ZNF385D: variants seen among roughly 807,000 people sequenced by gnomAD.
ZNF385D encodes the protein zinc finger protein 659.
Under a neutral mutation model 35.8 loss-of-function variants are expected in ZNF385D, and 15 were observed. The ratio of observed to expected loss-of-function variants is 0.42; its 90% CI spans 0.28 to 0.64. ZNF385D has a LOEUF of 0.64. ZNF385D is among the 30% of genes least tolerant of loss of function. The probability of loss-of-function intolerance (pLI) is 0.23; values close to 1 mark genes in which losing one functional copy is unlikely to be tolerated. For missense variants in ZNF385D, 474 were observed against 494.6 expected (o/e 0.96, Z 0.39); for synonymous variants, 212 against 186.8 (o/e 1.13, Z -1.10).
At chr3:21,736,128 T>C (rs943675378) in intron 1 of ZNF385D, among the ~76,000 whole-genome samples, 1 of 152,186 alleles carries the variant, frequency 6.6e-6, no homozygotes, top group African/African-American at 2.4e-5. Context: ...CTTCCTGAAA[T>C]TGCCTTTTTT....
intron 1 of ZNF385D, among the ~76,000 whole-genome samples, chr3:21,721,226 C>T (rs1183144043): frequency 2.0e-5 from 3 of 152,258 alleles, no homozygotes; most frequent in Non-Finnish European, 4.4e-5. Context: ...TTACTCTGTA[C>T]GTTCCAAGAC....
intron 3 of ZNF385D, among the ~76,000 whole-genome samples, chr3:22,041,775 T>C (rs1698678206): frequency 6.6e-6 from 1 of 152,130 alleles, no homozygotes; most frequent in African/African-American, 2.4e-5. Flanking sequence ...TCTATTCAAT[T>C]GAGATTTATA....
intron 3 of ZNF385D, among the ~76,000 whole-genome samples, chr3:21,779,421 T>A (rs1206897838): frequency 6.6e-6 from 1 of 151,984 alleles, no homozygotes; most frequent in Non-Finnish European, 1.5e-5. Context: ...AAAAAAACAT[T>A]AAAGAGAGCG....
At chr3:21,594,855 C>T (rs1429420583) in intron 2 of ZNF385D, among the ~76,000 whole-genome samples, 1 of 152,064 alleles carries the variant, frequency 6.6e-6, no homozygotes, top group East Asian at 1.9e-4. Context: ...GCTGCTGAAC[C>T]CATGATAATT....
chr3:22,016,001 C>A (rs1233426479), intron 3 of ZNF385D, among the ~76,000 whole-genome samples: 2 of 152,124 alleles, frequency 1.3e-5, no homozygotes, highest in East Asian at 3.9e-4. Flanking sequence ...AGAGTTTCTC[C>A]TATTGTTAAG....
chr3:22,166,580 T>C (rs1310887068), intron 3 of ZNF385D, among the ~76,000 whole-genome samples: 1 of 152,214 alleles, frequency 6.6e-6, no homozygotes, highest in African/African-American at 2.4e-5. Flanking sequence ...ATCACTTTGG[T>C]TGGTTATGAG....
At chr3:21,903,266 T>C (rs939549984) in intron 3 of ZNF385D, among the ~76,000 whole-genome samples, 1 of 152,182 alleles carries the variant, frequency 6.6e-6, no homozygotes, top group African/African-American at 2.4e-5. Context: ...AGGCATTTCC[T>C]TCTCTTTCAA....
chr3:21,754,910 G>A (rs1575594420), upstream of ZNF385D, among the ~76,000 whole-genome samples: 1 of 152,186 alleles, frequency 6.6e-6, no homozygotes. Flanking sequence ...TTGTGTGTAA[G>A]ACATCATACT....
At chr3:21,467,975 T>C (rs1345289026) in intron 4 of ZNF385D, among the ~76,000 whole-genome samples, 1 of 152,104 alleles carries the variant, frequency 6.6e-6, no homozygotes, top group Non-Finnish European at 1.5e-5. Context: ...AAGACTTGTC[T>C]ACGGGAATGC....
At chr3:21,748,252 C>G (rs1389407809) in intron 1 of ZNF385D, among the ~76,000 whole-genome samples, 1 of 152,124 alleles carries the variant, frequency 6.6e-6, no homozygotes, top group Non-Finnish European at 1.5e-5. Flanking sequence ...ATGAGCTGTT[C>G]TTGAGATCTG....
intron 3 of ZNF385D, among the ~76,000 whole-genome samples, chr3:22,074,912 C>A (rs973440873): frequency 6.6e-6 from 1 of 151,862 alleles, no homozygotes; most frequent in East Asian, 1.9e-4. Flanking sequence ...ACATGAGCAA[C>A]GTCACCATCA....
In ZNF385D at chr3:22,331,230, G is replaced by T. The variant is rs1410291401; in HGVS notation, c.106+41220C>A. Among the ~76,000 whole-genome samples the T allele has an allele frequency of 6.6e-5, 10 of 152,082 alleles. 1 individual carries two copies. In the East Asian group the frequency reaches 1.9e-3, roughly 29 times the overall value. ...TATTATTTTTTTTAGTTTATATCAT[G>T]CTTTGTGATGAAAAGGCTTTGCATA... On this transcript the variant is annotated intron_variant, in intron 2 of 5. Transcript: ENST00000494108.
At chr3:21,975,629 G>A (rs945394224) in intron 3 of ZNF385D, among the ~76,000 whole-genome samples, 5 of 149,392 alleles carry the variant, frequency 3.3e-5, no homozygotes, top group African/African-American at 9.8e-5. Context: ...TTTACACATT[G>A]TATACTTTTA....
intron 3 of ZNF385D, among the ~76,000 whole-genome samples, chr3:21,830,105 C>T (rs1288354471): frequency 2.0e-5 from 3 of 149,142 alleles, no homozygotes; most frequent in Non-Finnish European, 4.5e-5. Flanking sequence ...GCCTGGGTGA[C>T]AGAGTGACAC....
At chr3:21,807,640 ATAACT>A (rs1343917323) in intron 3 of ZNF385D, among the ~76,000 whole-genome samples, 21 of 152,298 alleles carry the variant, frequency 1.4e-4, no homozygotes, top group African/African-American at 4.1e-4. Flanking sequence ...ATATATTTAA[ATAACT>A]TAGTTTAGTA....
chr3:21,679,452 A>T (rs1032823956), intron 1 of ZNF385D, among the ~76,000 whole-genome samples: 1 of 152,032 alleles, frequency 6.6e-6, no homozygotes, highest in African/African-American at 2.4e-5. Context: ...TGGCTGGGTC[A>T]TCTTAATTTT....
intron 3 of ZNF385D, among the ~76,000 whole-genome samples, chr3:22,104,012 T>C (rs554340729): frequency 6.6e-6 from 1 of 152,242 alleles, no homozygotes; most frequent in East Asian, 1.9e-4. Flanking sequence ...ATGTACAATA[T>C]ACAATATATA....
intron 3 of ZNF385D, among the ~76,000 whole-genome samples, chr3:22,033,419 A>ATAT (rs1396427218): frequency 6.7e-5 from 9 of 134,372 alleles, no homozygotes; most frequent in African/African-American, 2.3e-4. Flanking sequence ...AATAATAATA[A>ATAT]TAATAATAAT....
chr3:22,148,637 A>T (rs546077797), intron 3 of ZNF385D, among the ~76,000 whole-genome samples: 1 of 152,336 alleles, frequency 6.6e-6, no homozygotes, highest in Admixed American at 6.5e-5. Context: ...TGAGCAAAGC[A>T]GGAATATGAG....
Sources: gnomAD v4.1 joint callset for allele counts (sites outside exome capture counted in the v4.1 genomes callset) on GRCh38, gnomAD v4.1.1 for gene constraint, MANE v1.5 for transcripts, NCBI Gene and HGNC (gene_info 2026-07-23, HGNC 2026-07-21) for gene names.